GALNT17: variants seen among roughly 807,000 people sequenced by gnomAD.
GALNT17 encodes polypeptide N-acetylgalactosaminyltransferase 17.
In GALNT17, 29 loss-of-function variants were observed where a neutral mutation model predicts 63.7. The observed-to-expected ratio is 0.46, with a 90% confidence interval of 0.34 to 0.62. The LOEUF is 0.62. GALNT17 is among the 20% of genes least tolerant of loss of function. The probability of loss-of-function intolerance (pLI) is 0.01; values close to 1 mark genes in which losing one functional copy is unlikely to be tolerated. For missense variants in GALNT17, 603 were observed against 799.6 expected, an observed-to-expected ratio of 0.75 and a Z score of 2.97; for synonymous variants, 305 against 318.3, an observed-to-expected ratio of 0.96 and a Z score of 0.45.
chr7:71,423,762 T>TAA (rs895085397), intron 5 of GALNT17, among the ~76,000 whole-genome samples: 2 of 146,720 alleles, frequency 1.4e-5, no homozygotes, highest in Admixed American at 6.8e-5. Context: ...GAAATAAAAT[T>TAA]AAAAAAAAAA....
At chr7:71,263,466 C>A (rs1176805311) in intron 1 of GALNT17, among the ~76,000 whole-genome samples, 1 of 152,208 alleles carries the variant, frequency 6.6e-6, no homozygotes, top group Non-Finnish European at 1.5e-5. Context: ...GCCACCCAGT[C>A]TGTGCAATTT....
At chr7:71,683,232 G>A (rs1348509376) in intron 9 of GALNT17, among the ~76,000 whole-genome samples, 1 of 152,104 alleles carries the variant, frequency 6.6e-6, no homozygotes, top group Non-Finnish European at 1.5e-5. Flanking sequence ...TTTCTGTTCA[G>A]CCACGTGTCC....
intron 1 of GALNT17, among the ~76,000 whole-genome samples, chr7:71,296,038 G>A (rs539822469): frequency 6.6e-6 from 1 of 151,750 alleles, no homozygotes; most frequent in South Asian, 2.1e-4. Flanking sequence ...TATATGAGTT[G>A]TTTTAAGTAA....
intron 1 of GALNT17, among the ~76,000 whole-genome samples, chr7:71,231,508 A>G (rs1181788395): frequency 6.6e-6 from 1 of 152,106 alleles, no homozygotes; most frequent in Non-Finnish European, 1.5e-5. Flanking sequence ...GGCTGCTGTA[A>G]TGAAATACCA....
intron 9 of GALNT17, among the ~76,000 whole-genome samples, chr7:71,683,596 C>T (rs545973962): frequency 3.3e-5 from 5 of 152,254 alleles, no homozygotes; most frequent in Admixed American, 6.5e-5. Flanking sequence ...CAAGATGTTC[C>T]GGGCCACTCA....
At chr7:71,231,045 A>G (rs910046642) in intron 1 of GALNT17, among the ~76,000 whole-genome samples, 4 of 152,162 alleles carry the variant, frequency 2.6e-5, no homozygotes, top group East Asian at 3.9e-4. Context: ...AAATATGACT[A>G]TCTCTGGGGA....
intron 5 of GALNT17, among the ~76,000 whole-genome samples, chr7:71,481,488 C>T (rs926167557): frequency 3.3e-5 from 5 of 152,144 alleles, no homozygotes; most frequent in Non-Finnish European, 5.9e-5. Flanking sequence ...GGTGGCCTGG[C>T]CATATGTGTG....
chr7:71,632,673 G>C (rs890911532), intron 6 of GALNT17, among the ~76,000 whole-genome samples: 2 of 152,278 alleles, frequency 1.3e-5, no homozygotes, highest in East Asian at 3.9e-4. Context: ...AAGGGCTGGT[G>C]GAAACTCCTT....
chr7:71,421,395 C>T (rs1173910859), intron 5 of GALNT17, among the ~76,000 whole-genome samples: 1 of 152,114 alleles, frequency 6.6e-6, no homozygotes, highest in South Asian at 2.1e-4. Flanking sequence ...GGAGGAACTG[C>T]GTTCAGGAGC....
intron 5 of GALNT17, among the ~76,000 whole-genome samples, chr7:71,521,089 G>C (rs1788522540): frequency 6.6e-6 from 1 of 152,210 alleles, no homozygotes; most frequent in Non-Finnish European, 1.5e-5. Flanking sequence ...AATTCTGGAT[G>C]TGTGTGCCAT....
At chr7:71,302,757 T>A (rs575188143) in intron 1 of GALNT17, among the ~76,000 whole-genome samples, 60 of 152,350 alleles carry the variant, frequency 3.9e-4, no homozygotes, top group African/African-American at 1.4e-3. Context: ...TCTGTTGAAC[T>A]TCCCCCTTTC....
chr7:71,235,227 G>A (rs1473947601), intron 1 of GALNT17, among the ~76,000 whole-genome samples: 1 of 151,618 alleles, frequency 6.6e-6, no homozygotes, highest in Non-Finnish European at 1.5e-5. Context: ...CTCCAGCCTG[G>A]GTGACAGAGC....
At chr7:71,148,865 TA>T (rs1788078542) in intron 1 of GALNT17, among the ~76,000 whole-genome samples, 1 of 119,714 alleles carries the variant, frequency 8.4e-6, no homozygotes, top group Non-Finnish European at 1.6e-5. Flanking sequence ...TATTTTTATA[TA>T]TATATATATA....
At chr7:71,377,747 G>A (rs1208768608) in intron 2 of GALNT17, among the ~76,000 whole-genome samples, 1 of 152,152 alleles carries the variant, frequency 6.6e-6, no homozygotes, top group African/African-American at 2.4e-5. Context: ...GATCATGGGG[G>A]CAGTTTCCCC....
intron 1 of GALNT17, among the ~76,000 whole-genome samples, chr7:71,305,941 G>A (rs752297496): frequency 9.2e-5 from 14 of 152,162 alleles, no homozygotes; most frequent in Non-Finnish European, 1.5e-4. Flanking sequence ...TAATTAGGCC[G>A]GGCATGGTGG....
intron 3 of GALNT17, among the ~76,000 whole-genome samples, chr7:71,413,571 TC>T (rs1229078562): frequency 3.3e-5 from 5 of 151,698 alleles, no homozygotes; most frequent in African/African-American, 1.2e-4. Flanking sequence ...ACAGGGTTTC[TC>T]CATGGTGGCC....
intron 6 of GALNT17, among the ~76,000 whole-genome samples, chr7:71,647,391 C>T (rs1323805284): frequency 6.6e-6 from 1 of 152,044 alleles, no homozygotes; most frequent in South Asian, 2.1e-4. Context: ...TTTTAAACAA[C>T]GACAGGGATG....
intron 5 of GALNT17, among the ~76,000 whole-genome samples, chr7:71,450,023 CA>C (rs1168448381): frequency 8.0e-6 from 1 of 124,426 alleles, no homozygotes; most frequent in Non-Finnish European, 1.6e-5. Context: ...GCCTGGGCAA[CA>C]AAGAGCGAAA....
At chr7:71,252,619 G>A (rs1790219525) in intron 1 of GALNT17, among the ~76,000 whole-genome samples, 1 of 152,082 alleles carries the variant, frequency 6.6e-6, no homozygotes, top group Non-Finnish European at 1.5e-5. Flanking sequence ...TTTCATTTCA[G>A]GAATATTGAC....
Sources: gnomAD v4.1 joint callset for allele counts (sites outside exome capture counted in the v4.1 genomes callset) on GRCh38, gnomAD v4.1.1 for gene constraint, MANE v1.5 for transcripts, NCBI Gene and HGNC (gene_info 2026-07-23, HGNC 2026-07-21) for gene names.